Variants in OPHN1 observed in about 807,000 individuals in gnomAD.
OPHN1 encodes oligophrenin-1.
In OPHN1, 11 loss-of-function variants were observed where a neutral mutation model predicts 60.7. The observed-to-expected ratio is 0.18, with a 90% CI of 0.11 to 0.30. The LOEUF (loss-of-function observed/expected upper bound fraction) is 0.30, where lower values mean the gene tolerates loss of function less well. Among genes scored for constraint, OPHN1 ranks in the 10% least tolerant of loss-of-function variants. OPHN1 has a pLI of 1.00. For synonymous variants in OPHN1, 226 were observed against 222.6 expected (o/e 1.02, Z -0.14); for missense variants, 449 against 611.0 (o/e 0.73, Z 2.80).
At chrX:68,380,639 T>C (rs960689424) in intron 2 of OPHN1, among the ~76,000 whole-genome samples, 1 of 111,419 alleles carries the variant, frequency 9.0e-6, no homozygotes, top group Non-Finnish European at 1.9e-5. Context: ...GTCTTTGTTC[T>C]CATTGGTTTC....
chrX:68,423,826 G>T (rs1166814998), intron 2 of OPHN1, among the ~76,000 whole-genome samples: 1 of 111,083 alleles, frequency 9.0e-6, no homozygotes, highest in Non-Finnish European at 1.9e-5. Context: ...CCATTTTTCA[G>T]TTGATGGACA....
chrX:68,196,952 T>C (rs1438636975), intron 12 of OPHN1, among the ~76,000 whole-genome samples: 1 of 111,899 alleles, frequency 8.9e-6, no homozygotes, highest in African/African-American at 3.2e-5. Context: ...GAGATCTGCA[T>C]TCTAAGCCCG....
chrX:68,076,462 C>A (rs919900578), intron 19 of OPHN1, among the ~76,000 whole-genome samples: 23 of 109,892 alleles, frequency 2.1e-4, no homozygotes, highest in Non-Finnish European at 2.7e-4. Flanking sequence ...TAAAAAATTT[C>A]AATTCATAGT....
intron 2 of OPHN1, among the ~76,000 whole-genome samples, chrX:68,398,633 G>A (rs1479563462): frequency 1.8e-5 from 2 of 111,462 alleles, no homozygotes; most frequent in Non-Finnish European, 3.8e-5. Flanking sequence ...CTTAGACTGG[G>A]AATCAGGGAG....
intron 17 of OPHN1, among the ~76,000 whole-genome samples, chrX:68,112,769 C>A (rs1224794426): frequency 2.7e-5 from 3 of 112,040 alleles, no homozygotes; most frequent in Non-Finnish European, 5.6e-5. Flanking sequence ...AGATTAAGGA[C>A]AATGGTTCAC....
chrX:68,105,461 G>C (rs2077077290), intron 18 of OPHN1, among the ~76,000 whole-genome samples: 1 of 110,815 alleles, frequency 9.0e-6, no homozygotes, highest in African/African-American at 3.3e-5. Context: ...TATACACCAT[G>C]GAATACTACG....
In OPHN1 at chrX:68,433,234, C is replaced by A. The variant is rs1165968110; in HGVS notation, c.-71G>T. 7.2e-6 allele frequency: 3 copies of A among 418,191 alleles called. No individual in the cohort carries two copies. In the African/African-American group the frequency reaches 7.4e-5, roughly 10 times the overall value. The allele number at this position is 418,191 out of a possible 1,213,427, so 34.5% of individuals were successfully genotyped here. A position where few individuals can be genotyped will look rare whatever the true frequency, so the allele number is the denominator to read the frequency against. On this transcript the variant is annotated 5_prime_UTR_variant, in exon 1 of 25. Coordinates refer to ENST00000355520, the MANE Select transcript of OPHN1 (RefSeq NM_002547.3). ...CAGAGAACAGGCGCCCCGGCGATGG[C>A]TTCAGGGCCAGGGAGAGCTAACTAT...
chrX:68,379,525 C>T lies in OPHN1; in HGVS notation c.154+53342G>A, dbSNP rs1388568690. Among the ~76,000 whole-genome samples, 7 of 104,559 alleles carry T rather than the reference C, an allele frequency of 6.7e-5. No homozygotes were observed. The South Asian group carries it at 1.8e-3, about 27-fold the overall frequency. 90.8% of individuals were successfully genotyped at this position (104,559 alleles called of 115,157 possible). A position where few individuals can be genotyped will look rare whatever the true frequency, so the allele number is the denominator to read the frequency against. ...CTTGTGCCAGTTTTCAAAGGGAATG[C>T]TTCCAGTTTTTGCCCATTCAGTATG... is the stretch of plus-strand genomic sequence containing the variant. On this transcript the variant is annotated intron_variant, in intron 2 of 24. Transcript: ENST00000355520.
At chrX:68,284,746 A>G (rs1430944828) in intron 3 of OPHN1, among the ~76,000 whole-genome samples, 1 of 111,405 alleles carries the variant, frequency 9.0e-6, no homozygotes, top group Non-Finnish European at 1.9e-5. Context: ...TCTATTTTCT[A>G]TTTCCATGAA....
Position 68,206,604 on chromosome X carries a change from G to A in OPHN1, c.902C>T (p.Thr301Met), listed in dbSNP as rs138108344. The change falls in exon 10 of 25, where the codon ACG becomes ATG. Residue 301 changes from threonine to methionine, a missense_variant. Physicochemically the swap from Thr to Met is moderately conservative, Grantham distance 81. Transcript: ENST00000355520. ...YEKETKTLTM[T>M]PMEQKPGAKQ... ...AGCACCTGGCTTCTGCTCCATAGGC[G>A]TCATGGTCAGTGTTTTGGTCTCTTT... 1,746 of 1,208,730 alleles carry A rather than the reference G, an allele frequency of 1.4e-3. 6 individuals are homozygous for A. Among genetic ancestry groups the A allele is most frequent in the African/African-American group, 0.012 (678 of 57,257 alleles).
intron 2 of OPHN1, among the ~76,000 whole-genome samples, chrX:68,422,719 G>GA (rs1185039422): frequency 3.9e-4 from 26 of 67,497 alleles, no homozygotes; most frequent in African/African-American, 1.7e-3. Context: ...GAGAAAGAAA[G>GA]AAAGGAAGGA....
At chrX:68,262,782 C>T (rs891170403) in intron 5 of OPHN1, among the ~76,000 whole-genome samples, 8 of 109,175 alleles carry the variant, frequency 7.3e-5, no homozygotes, top group Non-Finnish European at 1.3e-4. Flanking sequence ...AGCGAAAGTC[C>T]GACAGAACGG....
rs755385772 is a variant in OPHN1 at position 68,432,985 on chromosome X, G to A, written c.36C>T (p.Tyr12=). 8.3e-7 allele frequency: 1 copy of A among 1,210,069 alleles called. No homozygotes were observed. Among genetic ancestry groups the A allele is most frequent in the East Asian group, 3.0e-5 (1 of 33,809 alleles). The change falls in exon 2 of 25, where the codon TAC becomes TAT. Residue 12 remains tyrosine, a synonymous_variant. Transcript: ENST00000355520. ...GHPPLEFSDC[Y]LDSPDFRERL... Reference sequence around the variant, plus strand: ...TCTCGCGGAAATCGGGGCTGTCCAGGTAGCAGTCGCTGAACTCCAGCGGGG... The same window carrying A: ...TCTCGCGGAAATCGGGGCTGTCCAGATAGCAGTCGCTGAACTCCAGCGGGG...
intron 10 of OPHN1, 91 bp downstream of exon 10, chrX:68,206,482 C>T (rs1395092721): frequency 1.4e-6 from 1 of 689,813 alleles, no homozygotes; most frequent in African/African-American, 2.1e-5. Flanking sequence ...CAGTGATGAA[C>T]TTGATGATTT....
At chrX:68,393,885 G>GCTTTTTTTTT (rs2078666953) in intron 2 of OPHN1, among the ~76,000 whole-genome samples, 2 of 34,587 alleles carry the variant, frequency 5.8e-5, no homozygotes, top group East Asian at 2.4e-3. Context: ...AATAGACTTT[G>GCTTTTTTTTT]TTTTTTTTTT....
At chrX:68,428,500 G>A (rs1450889011) in intron 2 of OPHN1, among the ~76,000 whole-genome samples, 3 of 111,092 alleles carry the variant, frequency 2.7e-5, no homozygotes, top group African/African-American at 9.8e-5. Flanking sequence ...TTCTATCCAC[G>A]TCTTGTCTCT....
At chrX:68,347,494 T>C (rs1396128013) in intron 2 of OPHN1, among the ~76,000 whole-genome samples, 2 of 110,887 alleles carry the variant, frequency 1.8e-5, no homozygotes, top group East Asian at 5.7e-4. Context: ...ATTTTTGTAT[T>C]TTTTGTAGAG....
chrX:68,365,828 T>C (rs902421264), intron 2 of OPHN1, among the ~76,000 whole-genome samples: 2 of 108,056 alleles, frequency 1.9e-5, no homozygotes, highest in African/African-American at 3.4e-5. Context: ...CTTTTTTTTT[T>C]TTTTGGAGAT....
intron 2 of OPHN1, among the ~76,000 whole-genome samples, chrX:68,317,389 A>AAGG (rs2078208145): frequency 1.2e-5 from 1 of 86,619 alleles, no homozygotes; most frequent in Non-Finnish European, 2.3e-5. Flanking sequence ...GGAAGGAAGG[A>AAGG]AGGAAGGAAG....
Sources: allele counts gnomAD v4.1 joint callset (sites outside exome capture counted in the v4.1 genomes callset), GRCh38; gene constraint gnomAD v4.1.1; transcripts MANE v1.5; gene names NCBI Gene and HGNC (gene_info 2026-07-23, HGNC 2026-07-21).